The following CNTN5 variants were observed in gnomAD, a reference collection of about 807,000 sequenced individuals.
The protein encoded by CNTN5 is contactin 5.
In CNTN5, 77 loss-of-function variants were observed where a neutral mutation model predicts 129.1. The observed-to-expected ratio is 0.60, with a 90% CI of 0.50 to 0.72. The LOEUF (loss-of-function observed/expected upper bound fraction) is 0.72, where lower values mean the gene tolerates loss of function less well. Ranked by LOEUF, CNTN5 falls within the 30% of genes least tolerant of loss-of-function variation. The probability of loss-of-function intolerance (pLI) is 0.00; values close to 1 mark genes in which losing one functional copy is unlikely to be tolerated. For missense variants in CNTN5, 1,478 were observed against 1,328.8 expected (o/e 1.11, Z -1.75); for synonymous variants, 509 against 465.6 (o/e 1.09, Z -1.20).
chr11:100,330,405 T>C (rs1230372565), intron 21 of CNTN5, among the ~76,000 whole-genome samples: 1 of 152,310 alleles, frequency 6.6e-6, no homozygotes, highest in Admixed American at 6.5e-5. Flanking sequence ...AAAACATACT[T>C]GAGGGAATAA....
At chr11:100,063,706 T>TAAAAAAAAAAAAAAAA (rs35896237) in intron 10 of CNTN5, among the ~76,000 whole-genome samples, 4 of 115,264 alleles carry the variant, frequency 3.5e-5, no homozygotes, top group East Asian at 2.6e-4. Flanking sequence ...AACCTGTCTC[T>TAAAAAAAAAAAAAAAA]AAAAAAAAAA....
intron 2 of CNTN5, among the ~76,000 whole-genome samples, chr11:99,342,500 C>T (rs1462980255): frequency 1.3e-4 from 18 of 137,884 alleles, no homozygotes; most frequent in Admixed American, 4.0e-4. Context: ...TTTGGGAGGC[C>T]GAGGTTGGTG....
chr11:99,022,085 G>T (rs1325962340), intron 1 of CNTN5, among the ~76,000 whole-genome samples: 1 of 152,064 alleles, frequency 6.6e-6, no homozygotes, highest in East Asian at 1.9e-4. Flanking sequence ...TTTAAATGCA[G>T]GTGAGAAGCA....
At chr11:99,502,718 A>G (rs773532664) in intron 2 of CNTN5, among the ~76,000 whole-genome samples, 6 of 152,190 alleles carry the variant, frequency 3.9e-5, no homozygotes, top group Non-Finnish European at 7.3e-5. Context: ...CTTATTTTCA[A>G]CAAAAGCACA....
chr11:99,420,472 A>T (rs1364148402), intron 2 of CNTN5, among the ~76,000 whole-genome samples: 1 of 152,128 alleles, frequency 6.6e-6, no homozygotes, highest in Non-Finnish European at 1.5e-5. Flanking sequence ...ATAATGTCAC[A>T]CTCAAAAAAT....
intron 1 of CNTN5, among the ~76,000 whole-genome samples, chr11:99,295,900 A>C (rs941645194): frequency 1.3e-5 from 2 of 151,576 alleles, no homozygotes; most frequent in Non-Finnish European, 2.9e-5. Context: ...AAAAAAAAAA[A>C]AAAAAGAGTT....
At chr11:99,338,919 G>GATATATATATATATATATATAT (rs10534485) in intron 2 of CNTN5, among the ~76,000 whole-genome samples, 47 of 126,964 alleles carry the variant, frequency 3.7e-4, no homozygotes, top group Middle Eastern at 4.3e-3. Flanking sequence ...TTCATTCACA[G>GATATATATATATATATATATAT]ATATATATAT....
chr11:99,502,107 T>G (rs1296489963), intron 2 of CNTN5, among the ~76,000 whole-genome samples: 1 of 152,188 alleles, frequency 6.6e-6, no homozygotes, highest in Non-Finnish European at 1.5e-5. Context: ...CTCCATTATT[T>G]TATAATTCTG....
chr11:99,758,273 C>G (rs1212027966), intron 3 of CNTN5, among the ~76,000 whole-genome samples: 1 of 151,886 alleles, frequency 6.6e-6, no homozygotes, highest in African/African-American at 2.4e-5. Context: ...ATTGTTCAAC[C>G]AATCAACAGC....
At chr11:100,110,314 C>T (rs1401491663) in intron 13 of CNTN5, among the ~76,000 whole-genome samples, 1 of 151,728 alleles carries the variant, frequency 6.6e-6, no homozygotes, top group Non-Finnish European at 1.5e-5. Context: ...ACTAGAGTGA[C>T]AGTTTATAAA....
At chr11:99,535,428 T>A (rs908620346) in intron 2 of CNTN5, among the ~76,000 whole-genome samples, 1 of 152,164 alleles carries the variant, frequency 6.6e-6, no homozygotes, top group African/African-American at 2.4e-5. Context: ...TTGTGCCACA[T>A]GAAAATTCCA....
intron 2 of CNTN5, among the ~76,000 whole-genome samples, chr11:99,462,360 C>CTTTTTTTTTTTTTTTTTT (rs72276833): frequency 3.0e-4 from 37 of 125,262 alleles, no homozygotes; most frequent in Non-Finnish European, 3.5e-4. Flanking sequence ...CTTTTCTTTT[C>CTTTTTTTTTTTTTTTTTT]TTTTTTTTTT....
At chr11:99,504,877 C>A (rs1047320043) in intron 2 of CNTN5, among the ~76,000 whole-genome samples, 2 of 152,114 alleles carry the variant, frequency 1.3e-5, no homozygotes, top group African/African-American at 4.8e-5. Context: ...TTCTTGAGTG[C>A]AGAAACCATA....
chr11:100,156,765 A>AT (rs938176871), intron 13 of CNTN5, among the ~76,000 whole-genome samples: 121 of 151,996 alleles, frequency 8.0e-4, no homozygotes, highest in African/African-American at 2.8e-3. Flanking sequence ...TTTCTTCTAG[A>AT]TTTTCTAGCT....
intron 3 of CNTN5, among the ~76,000 whole-genome samples, chr11:99,784,943 G>A (rs970264955): frequency 2.2e-4 from 34 of 151,800 alleles, no homozygotes; most frequent in African/African-American, 8.2e-4. Context: ...GAGACTACAG[G>A]TGCCTACCAT....
intron 9 of CNTN5, among the ~76,000 whole-genome samples, chr11:100,006,989 C>T (rs756938688): frequency 1.3e-5 from 2 of 152,096 alleles, no homozygotes; most frequent in Non-Finnish European, 2.9e-5. Context: ...TGCTCATCTA[C>T]ATCAGAACTC....
intron 3 of CNTN5, among the ~76,000 whole-genome samples, chr11:99,729,925 C>T: frequency 6.6e-6 from 1 of 152,040 alleles, no homozygotes; most frequent in Non-Finnish European, 1.5e-5. Context: ...AGAGGGAGAG[C>T]ATTAGGAAAA....
intron 1 of CNTN5, among the ~76,000 whole-genome samples, chr11:99,095,448 T>C (rs1490975650): frequency 6.6e-6 from 1 of 151,966 alleles, no homozygotes; most frequent in Non-Finnish European, 1.5e-5. Flanking sequence ...ATTATAAATA[T>C]ATACTTATAT....
intron 3 of CNTN5, among the ~76,000 whole-genome samples, chr11:99,598,329 CCTCTCTCTCTCT>C (rs1163753320): frequency 1.6e-4 from 2 of 12,668 alleles, no homozygotes; most frequent in African/African-American, 7.0e-4. Flanking sequence ...CTTTTCTGTC[CCTCTCTCTCTCT>C]CTCTCTCTCT....
Sources: gnomAD v4.1 joint callset for allele counts (sites outside exome capture counted in the v4.1 genomes callset) on GRCh38, gnomAD v4.1.1 for gene constraint, MANE v1.5 for transcripts, NCBI Gene and HGNC (gene_info 2026-07-23, HGNC 2026-07-21) for gene names.